SP1: variants seen among roughly 807,000 people sequenced by gnomAD.
SP1 encodes the protein transcription factor Sp1.
A neutral mutation model predicts 66.3 loss-of-function variants in SP1; 6 were observed. That is an observed-to-expected ratio of 0.09 (90% confidence interval 0.05 to 0.18). SP1 has a LOEUF of 0.18. Among genes scored for constraint, SP1 ranks in the 10% least tolerant of loss-of-function variants. The pLI, the probability that SP1 is intolerant of heterozygous loss-of-function variation, is 1.00. For synonymous variants in SP1, 417 were observed against 360.8 expected, an observed-to-expected ratio of 1.16 and a Z score of -1.77; for missense variants, 848 against 964.5, an observed-to-expected ratio of 0.88 and a Z score of 1.60.
chr12:53,383,724 C>A, intron 3 of SP1, 102 bp downstream of exon 3: 3 of 928,584 alleles, frequency 3.2e-6, no homozygotes, highest in Non-Finnish European at 3.2e-6. Flanking sequence ...ATAACACTTT[C>A]TTGAGGGTTA....
intron 3 of SP1, among the ~76,000 whole-genome samples, chr12:53,397,294 A>C (rs1002009350): frequency 1.3e-5 from 2 of 152,070 alleles, no homozygotes; most frequent in African/African-American, 4.8e-5. Context: ...TACAAATATG[A>C]GCCACTGCGC....
At chr12:53,409,678 T>G in intron 5 of SP1, 117 bp downstream of exon 5, 2 of 857,686 alleles carry the variant, frequency 2.3e-6, no homozygotes, top group Non-Finnish European at 3.7e-6. Context: ...AATATATGGG[T>G]CACAAATGGA....
chr12:53,397,271 A>G (rs888518641), intron 3 of SP1, among the ~76,000 whole-genome samples: 3 of 151,986 alleles, frequency 2.0e-5, no homozygotes, highest in Non-Finnish European at 4.4e-5. Flanking sequence ...TCAGCCTCCC[A>G]AAATGCTGAG....
rs536547488 is a variant in SP1 at position 53,387,327 on chromosome 12, C to G, written c.1675+3705C>G. Among the ~76,000 whole-genome samples the G allele has an allele frequency of 9.2e-5, 14 of 152,304 alleles. No individual in the cohort carries two copies. In the South Asian group the frequency reaches 1.9e-3, roughly 20 times the overall value. ...GTTACCAAGTTCTCATTCCATTTAA[C>G]TGATTCTTACATAAGTGAGGGTAGC... On this transcript the variant is annotated intron_variant, in intron 3 of 5. Transcript: ENST00000327443.
At position 53,411,574 on chromosome 12, in the gene SP1, C is replaced by G. The variant is rs1373106512; in HGVS notation, c.*334C>G. ...CAGCTCTTCCATGATGGATTCCCCC[C>G]CCTTTCCTAAAGCCATCATGCCTTG... On this transcript the variant is annotated 3_prime_UTR_variant, in exon 6 of 6. Transcript: ENST00000327443. The G allele has an allele frequency of 3.2e-5, 6 of 187,304 alleles. No individual in the cohort carries two copies. The highest frequency in any genetic ancestry group is 9.4e-5 in the African/African-American group (4 of 42,562). 11.6% of individuals were successfully genotyped at this position (187,304 alleles called of 1,614,324 possible).
In SP1 at chr12:53,413,622, C is replaced by G. The variant is rs969583275; in HGVS notation, c.*2382C>G. 1 of 152,544 alleles carries G rather than the reference C, an allele frequency of 6.6e-6. No individual in the cohort carries two copies. The highest frequency in any genetic ancestry group is 2.4e-5 in the African/African-American group (1 of 41,430). The allele number at this position is 152,544 out of a possible 1,614,324, so 9.4% of individuals were successfully genotyped here. A position where few individuals can be genotyped will look rare whatever the true frequency, so the allele number is the denominator to read the frequency against. Reference sequence around the variant, plus strand: ...CATCCATGCACAGCCACTATCATACCCTTTATTCTCACTGAAAGGCAGAAC... The same window carrying G: ...CATCCATGCACAGCCACTATCATACGCTTTATTCTCACTGAAAGGCAGAAC... On this transcript the variant is annotated 3_prime_UTR_variant, in exon 6 of 6. Transcript: ENST00000327443.
chr12:53,380,205 G>T lies in SP1; in HGVS notation c.-87G>T, dbSNP rs1938048198. The T allele has an allele frequency of 1.0e-6, 1 of 1,000,852 alleles. No individual in the cohort carries two copies. Among genetic ancestry groups the T allele is most frequent in the African/African-American group, 1.6e-5 (1 of 62,834 alleles). The allele number at this position is 1,000,852 out of a possible 1,614,324, so 62.0% of individuals were successfully genotyped here. A position where few individuals can be genotyped will look rare whatever the true frequency, so the allele number is the denominator to read the frequency against. ...CCCCCTCCCTGTCCGGTCCGGGTTC[G>T]CTTGCCTCGTCAGCGTCCGCGTTTT... is the stretch of plus-strand genomic sequence containing the variant. On this transcript the variant is annotated 5_prime_UTR_variant, in exon 1 of 6. Coordinates refer to ENST00000327443, the MANE Select transcript of SP1 (RefSeq NM_138473.3).
chr12:53,381,431 G>A (rs1938094868), intron 1 of SP1: 1 of 377,596 alleles, frequency 2.6e-6, no homozygotes, highest in Non-Finnish European at 4.7e-6. Context: ...TGTTTTCTTA[G>A]TTTAATTTTG....
chr12:53,381,591 T>C (rs1413205495), intron 1 of SP1, 68 bp from the exon 2 acceptor site: 1 of 1,443,646 alleles, frequency 6.9e-7, no homozygotes, highest in Non-Finnish European at 9.4e-7. Flanking sequence ...CATAGCCTCC[T>C]TTTATCCTTC....
intron 3 of SP1, among the ~76,000 whole-genome samples, chr12:53,392,756 A>G (rs1302370298): frequency 2.0e-5 from 3 of 151,732 alleles, no homozygotes; most frequent in Admixed American, 6.6e-5. Context: ...CAGCCTCCCA[A>G]AGTGCTGGGA....
chr12:53,382,465 A>G lies in SP1; in HGVS notation c.518A>G (p.Tyr173Cys), dbSNP rs781555802. ...GLPGVMPNIQYQVIPQFQTVD... is the reference protein window; with the variant it reads ...GLPGVMPNIQCQVIPQFQTVD... ...CCTGGAGTGATGCCTAATATTCAGT[A>G]TCAAGTAATCCCACAGTTCCAGACC... The change falls in exon 3 of 6, where the codon TAT (tyrosine) becomes TGT (cysteine). Residue 173 changes from tyrosine (Y) to cysteine (C), a missense_variant. This residue lies in a region of SP1 where 606 missense variants were observed against 589.9 expected (regional missense o/e 1.03). Transcript: ENST00000327443. The G allele has an allele frequency of 8.1e-6, 13 of 1,614,190 alleles. No homozygotes were observed. The highest frequency in any genetic ancestry group is 1.7e-6 in the Non-Finnish European group (2 of 1,180,030).
intron 3 of SP1, among the ~76,000 whole-genome samples, chr12:53,394,202 C>T (rs1337243168): frequency 1.3e-5 from 2 of 149,082 alleles, no homozygotes; most frequent in South Asian, 2.1e-4. Context: ...GCAACAAGAC[C>T]GAAACTCCGT....
intron 3 of SP1, among the ~76,000 whole-genome samples, chr12:53,403,053 TAGA>T (rs1349699777): frequency 1.3e-5 from 2 of 150,254 alleles, no homozygotes; most frequent in East Asian, 2.0e-4. Flanking sequence ...GAGGCTGAGG[TAGA>T]AGAACTGCTT....
In SP1 at chr12:53,383,222, T is replaced by C. The variant is rs764158585; in HGVS notation, c.1275T>C (p.Phe425=). 2 of 1,614,182 alleles carry C rather than the reference T, an allele frequency of 1.2e-6. No homozygotes were observed. Among genetic ancestry groups the C allele is most frequent in the Non-Finnish European group, 8.5e-7 (1 of 1,180,020 alleles). Residue 425 remains phenylalanine (F), a synonymous_variant, in exon 3 of 6, where the codon TTT becomes TTC. Transcript: ENST00000327443. ...CAGCACCATTGTCAGGGCAGACCTT[T>C]ACAACTCAAGCCATCTCCCAGGAAA... is the stretch of plus-strand genomic sequence containing the variant. ...LQAAPLSGQT[F]TTQAISQETL... is the part of the protein sequence containing the mutation.
chr12:53,389,499 G>C (rs1433629798), intron 3 of SP1, among the ~76,000 whole-genome samples: 1 of 151,790 alleles, frequency 6.6e-6, no homozygotes, highest in Non-Finnish European at 1.5e-5. Context: ...ATGAGCCACT[G>C]TGCCCAGCCG....
intron 1 of SP1, chr12:53,381,345 G>T: frequency 5.0e-6 from 1 of 198,666 alleles, no homozygotes; most frequent in Non-Finnish European, 1.0e-5. Flanking sequence ...TTTCCCTTAG[G>T]ATACTTTTTC....
At chr12:53,397,403 A>G (rs1287782690) in intron 3 of SP1, among the ~76,000 whole-genome samples, 2 of 151,522 alleles carry the variant, frequency 1.3e-5, no homozygotes, top group Non-Finnish European at 2.9e-5. Context: ...AAACCCCAAC[A>G]CTTCAAAAAT....
chr12:53,388,156 A>G (rs748828443), intron 3 of SP1, among the ~76,000 whole-genome samples: 69 of 152,084 alleles, frequency 4.5e-4, no homozygotes, highest in Non-Finnish European at 8.5e-4. Flanking sequence ...AAAATTAGAC[A>G]CTTCTGGGCA....
intron 3 of SP1, among the ~76,000 whole-genome samples, chr12:53,399,416 C>T (rs1386239729): frequency 6.6e-6 from 1 of 151,974 alleles, no homozygotes. Flanking sequence ...TCACTGCAAG[C>T]TCCGCCTCGC....
Sources: allele counts gnomAD v4.1 joint callset (sites outside exome capture counted in the v4.1 genomes callset), GRCh38; gene constraint gnomAD v4.1.1; regional missense constraint gnomAD v4.1.1; transcripts MANE v1.5; gene names NCBI Gene and HGNC (gene_info 2026-07-23, HGNC 2026-07-21).